MICU1: variants seen among roughly 807,000 people sequenced by gnomAD.
The protein encoded by MICU1 is calcium uptake protein 1, mitochondrial.
A neutral mutation model predicts 56.8 loss-of-function variants in MICU1; 45 were observed. That is an observed-to-expected ratio of 0.79 (90% CI 0.62 to 1.02). The LOEUF (loss-of-function observed/expected upper bound fraction) is 1.02. MICU1 is among the 50% of genes least tolerant of loss of function. The pLI is 0.00. For synonymous variants in MICU1, 186 were observed against 195.1 expected (o/e 0.95, Z 0.39); for missense variants, 504 against 587.1 (o/e 0.86, Z 1.46).
At chr10:72,426,051 G>A (rs78056143) in intron 8 of MICU1, among the ~76,000 whole-genome samples, 6,767 of 152,108 alleles carry the variant, frequency 0.044, 400 homozygotes, top group East Asian at 0.19. Flanking sequence ...TTTTTTTGTT[G>A]TTGTTGTCCA....
At chr10:72,416,156 G>A (rs7918020) in intron 9 of MICU1, among the ~76,000 whole-genome samples, 6,237 of 152,126 alleles carry the variant, frequency 0.041, 419 homozygotes, top group African/African-American at 0.14. Flanking sequence ...GAGGGATAGG[G>A]AATAGGGGAA....
At chr10:72,485,864 C>A (rs1301037080) in intron 6 of MICU1, among the ~76,000 whole-genome samples, 1 of 151,002 alleles carries the variant, frequency 6.6e-6, no homozygotes, top group Admixed American at 6.6e-5. Flanking sequence ...CGGCTTCATC[C>A]GAGGTAAAAA....
At chr10:72,565,796 A>G (rs1158940058) in intron 2 of MICU1, among the ~76,000 whole-genome samples, 4 of 152,140 alleles carry the variant, frequency 2.6e-5, no homozygotes, top group African/African-American at 9.7e-5. Context: ...CCTGGGCGAC[A>G]GAGCAAGACT....
At chr10:72,483,935 T>A (rs563846034) in intron 6 of MICU1, 1 of 152,340 alleles carries the variant, frequency 6.6e-6, no homozygotes, top group South Asian at 2.1e-4. Flanking sequence ...AAAATTAAAG[T>A]CAAGTTTCTT....
chr10:72,481,106 C>T (rs1866280579), intron 6 of MICU1, among the ~76,000 whole-genome samples: 1 of 152,212 alleles, frequency 6.6e-6, no homozygotes, highest in African/African-American at 2.4e-5. Context: ...TTGGGCCTCA[C>T]CAGCCTCTCA....
intron 6 of MICU1, among the ~76,000 whole-genome samples, chr10:72,479,156 C>G (rs986457985): frequency 6.6e-6 from 1 of 152,100 alleles, no homozygotes; most frequent in Non-Finnish European, 1.5e-5. Context: ...TATTGGGGCT[C>G]AAAGCAGTTA....
At chr10:72,566,039 CTTTTTTTTTTT>C (rs11376019) in intron 2 of MICU1, among the ~76,000 whole-genome samples, 2 of 69,830 alleles carry the variant, frequency 2.9e-5, no homozygotes, top group Middle Eastern at 0.013. Context: ...CATTCATTTT[CTTTTTTTTTTT>C]TTTTTTTTTT....
At chr10:72,619,342 G>A (rs1842049111) in intron 1 of MICU1, among the ~76,000 whole-genome samples, 1 of 152,220 alleles carries the variant, frequency 6.6e-6, no homozygotes, top group East Asian at 1.9e-4. Context: ...CTACTCGGGA[G>A]GCTGAGGCAG....
chr10:72,599,827 C>T (rs1841477286), intron 1 of MICU1, among the ~76,000 whole-genome samples: 1 of 152,188 alleles, frequency 6.6e-6, no homozygotes, highest in African/African-American at 2.4e-5. Flanking sequence ...CACAAACACA[C>T]ACTCTCAAAG....
At chr10:72,457,739 CAGAG>C (rs566174376) in intron 8 of MICU1, among the ~76,000 whole-genome samples, 2 of 151,652 alleles carry the variant, frequency 1.3e-5, no homozygotes, top group African/African-American at 2.4e-5. Flanking sequence ...GAGAGAGAGA[CAGAG>C]AGAGAGATAG....
At chr10:72,379,728 G>T in intron 10 of MICU1, 1 of 237,736 alleles carries the variant, frequency 4.2e-6, no homozygotes, top group Non-Finnish European at 8.7e-6. Flanking sequence ...CCTCATTACA[G>T]ATGCCATCTC....
At chr10:72,499,570 C>T (rs942505761) in intron 6 of MICU1, among the ~76,000 whole-genome samples, 3 of 152,100 alleles carry the variant, frequency 2.0e-5, no homozygotes, top group Non-Finnish European at 4.4e-5. Context: ...AAAGATTAGC[C>T]TTTTACCTTC....
At chr10:72,543,830 A>T (rs1032729130) in intron 4 of MICU1, among the ~76,000 whole-genome samples, 3 of 151,928 alleles carry the variant, frequency 2.0e-5, no homozygotes, top group African/African-American at 4.8e-5. Context: ...AGCCTGGGTG[A>T]CATAGCGAGA....
chr10:72,406,777 C>G (rs1020490829), intron 10 of MICU1, among the ~76,000 whole-genome samples: 7 of 152,020 alleles, frequency 4.6e-5, no homozygotes, highest in African/African-American at 1.7e-4. Flanking sequence ...CAGGCATACA[C>G]CACCACGCCT....
intron 10 of MICU1, among the ~76,000 whole-genome samples, chr10:72,405,266 A>G (rs1589180167): frequency 7.1e-6 from 1 of 141,760 alleles, no homozygotes; most frequent in Non-Finnish European, 1.5e-5. Context: ...GTCGCCCAGA[A>G]TGGAGTGCAA....
intron 5 of MICU1, among the ~76,000 whole-genome samples, chr10:72,518,325 C>T (rs1459273091): frequency 6.6e-6 from 1 of 152,012 alleles, no homozygotes; most frequent in Non-Finnish European, 1.5e-5. Context: ...TGAGCCACTG[C>T]ACCTGGCCTG....
In MICU1 at chr10:72,489,303, C is replaced by CAA. The variant is rs571193178; in HGVS notation, c.653-12048_653-12047insTT. On this transcript the variant is annotated intron_variant, in intron 6 of 11. Coordinates refer to ENST00000361114, the MANE Select transcript of MICU1 (RefSeq NM_001195518.2). The stretch of plus-strand genomic sequence containing the variant: ...AGCGAGACTCTGTCACACACACACA[C>CAA]ACACACACACACACACACACAAAAA... Among the ~76,000 whole-genome samples the CAA allele has an allele frequency of 1.2e-3, 176 of 140,902 alleles. 3 individuals carry two copies. The South Asian group carries it at 0.036, about 29-fold the overall frequency. The allele number at this position is 140,902 out of a possible 152,430, so 92.4% of individuals were successfully genotyped here. A position where few individuals can be genotyped will look rare whatever the true frequency, so the allele number is the denominator to read the frequency against.
chr10:72,408,377 C>T (rs952144935), intron 9 of MICU1, among the ~76,000 whole-genome samples: 2 of 152,086 alleles, frequency 1.3e-5, no homozygotes, highest in African/African-American at 2.4e-5. Context: ...GGCATGATCT[C>T]AGCTGACTGC....
chr10:72,463,693 A>G (rs1865704908), intron 8 of MICU1, among the ~76,000 whole-genome samples: 1 of 152,216 alleles, frequency 6.6e-6, no homozygotes, highest in Admixed American at 6.5e-5. Flanking sequence ...AAAAATTCCT[A>G]TCACCTAGTG....
Sources: allele counts gnomAD v4.1 joint callset (sites outside exome capture counted in the v4.1 genomes callset), GRCh38; gene constraint gnomAD v4.1.1; transcripts MANE v1.5; gene names NCBI Gene and HGNC (gene_info 2026-07-23, HGNC 2026-07-21).